MBNL3: variants seen among roughly 807,000 people sequenced by gnomAD.
MBNL3 encodes the protein muscleblind like splicing regulator 3.
MBNL3 carries 6 observed loss-of-function variants against 24.5 expected under a neutral mutation model. That is an observed-to-expected ratio of 0.25 (90% confidence interval 0.13 to 0.48). The LOEUF (loss-of-function observed/expected upper bound fraction) is 0.48, where lower values mean the gene tolerates loss of function less well. Among genes scored for constraint, MBNL3 ranks in the 20% least tolerant of loss-of-function variants. The probability of loss-of-function intolerance (pLI) is 0.99; values close to 1 mark genes in which losing one functional copy is unlikely to be tolerated. For missense variants in MBNL3, 230 were observed against 293.5 expected, an observed-to-expected ratio of 0.78 and a Z score of 1.58; for synonymous variants, 100 against 101.7, an observed-to-expected ratio of 0.98 and a Z score of 0.10.
intron 1 of MBNL3, among the ~76,000 whole-genome samples, chrX:132,488,515 C>T (rs751956838): frequency 9.0e-6 from 1 of 111,104 alleles, no homozygotes; most frequent in African/African-American, 3.3e-5. Context: ...GCACTGCTCA[C>T]GATATCGCGT....
rs1391027515 is a variant in MBNL3, at chrX:132,379,049, AAG to A, written c.*615_*616del. 1 of 112,207 alleles carries A rather than the reference AAG, an allele frequency of 8.9e-6. No homozygotes were observed. 9.2% of individuals were successfully genotyped at this position (112,207 alleles called of 1,213,427 possible). On this transcript the variant is annotated 3_prime_UTR_variant, in exon 9 of 9. Coordinates refer to ENST00000370853, the MANE Select transcript of MBNL3 (RefSeq NM_001386889.1). ...GAAACCTACAGAAATATTCTAAAGA[AAG>A]AGAGCATATTTGCATGAACCTGTCA...
At chrX:132,438,142 T>TAC (rs1366610101) in intron 2 of MBNL3, among the ~76,000 whole-genome samples, 1 of 112,071 alleles carries the variant, frequency 8.9e-6, no homozygotes, top group East Asian at 2.8e-4. Context: ...TAGCTGAATG[T>TAC]ACACAACTTT....
intron 1 of MBNL3, among the ~76,000 whole-genome samples, chrX:132,481,644 G>GTGA (rs967218934): frequency 8.9e-6 from 1 of 111,802 alleles, no homozygotes; most frequent in Non-Finnish European, 1.9e-5. Context: ...CTTTTATGAT[G>GTGA]TGATGATGAT....
At chrX:132,389,293 G>C (rs1003602191) in intron 5 of MBNL3, among the ~76,000 whole-genome samples, 6 of 111,879 alleles carry the variant, frequency 5.4e-5, no homozygotes, top group Non-Finnish European at 1.1e-4. Flanking sequence ...CTGACAAAAA[G>C]TGGAGCCAGT....
intron 8 of MBNL3, among the ~76,000 whole-genome samples, chrX:132,381,067 T>C (rs1454156077): frequency 2.7e-5 from 3 of 111,891 alleles, no homozygotes; most frequent in Admixed American, 9.5e-5. Context: ...AACTCAAAAG[T>C]AATCTGTGCC....
intron 1 of MBNL3, among the ~76,000 whole-genome samples, chrX:132,481,481 T>A (rs1947732389): frequency 8.9e-6 from 1 of 112,109 alleles, no homozygotes; most frequent in South Asian, 3.7e-4. Flanking sequence ...TGTGCCTGAT[T>A]AGTAAATGAC....
At chrX:132,450,741 A>G (rs1203760443) in intron 1 of MBNL3, among the ~76,000 whole-genome samples, 1 of 111,508 alleles carries the variant, frequency 9.0e-6, no homozygotes, top group Non-Finnish European at 1.9e-5. Flanking sequence ...GGAGGAGAAG[A>G]GGCATTCTAG....
chrX:132,484,450 T>G (rs952140350), intron 1 of MBNL3, among the ~76,000 whole-genome samples: 4 of 111,961 alleles, frequency 3.6e-5, no homozygotes, highest in African/African-American at 1.3e-4. Flanking sequence ...TAGTTACTGG[T>G]ACATTCAAGG....
Position 132,392,159 on chromosome X carries a change from C to T in MBNL3, c.518G>A (p.Arg173His), listed in dbSNP as rs1002647666. ...CACAAATACCTCCAGTTTATCTGAACGCATCAGTTTTGGGCCAACAGCTCC... is the reference window on the plus strand; with the variant it reads ...CACAAATACCTCCAGTTTATCTGAATGCATCAGTTTTGGGCCAACAGCTCC... The part of the protein sequence containing the change: ...MPGAVGPKLM[R>H]SDKLEVCREF... The change falls in exon 4 of 9, where the codon CGT becomes CAT. Residue 173 changes from arginine (R) to histidine (H), a missense_variant. By Grantham distance (29) the Arg-to-His change is conservative. Coordinates refer to ENST00000370853, the MANE Select transcript of MBNL3 (RefSeq NM_001386889.1). The T allele has an allele frequency of 1.1e-5, 13 of 1,202,358 alleles. No individual in the cohort carries two copies. Among genetic ancestry groups the T allele is most frequent in the South Asian group, 1.8e-5 (1 of 54,958 alleles).
At chrX:132,422,612 A>G (rs1368681805) in intron 2 of MBNL3, among the ~76,000 whole-genome samples, 1 of 112,179 alleles carries the variant, frequency 8.9e-6, no homozygotes, top group African/African-American at 3.2e-5. Flanking sequence ...AATAGACATC[A>G]TTTCCCTTCC....
chrX:132,382,353 G>T, intron 7 of MBNL3, 81 bp from the exon 8 acceptor site: 1 of 779,720 alleles, frequency 1.3e-6, no homozygotes, highest in Non-Finnish European at 1.9e-6. Context: ...GGAATGAGGT[G>T]TGGTAGGTAT....
At chrX:132,451,691 C>A (rs1352689862) in intron 1 of MBNL3, among the ~76,000 whole-genome samples, 2 of 111,424 alleles carry the variant, frequency 1.8e-5, no homozygotes, top group Non-Finnish European at 3.8e-5. Flanking sequence ...TTCTGTCTCA[C>A]TGGTATTCCA....
At chrX:132,387,172 T>G (rs1936208620) in intron 5 of MBNL3, among the ~76,000 whole-genome samples, 1 of 103,710 alleles carries the variant, frequency 9.6e-6, no homozygotes, top group Admixed American at 1.1e-4. Flanking sequence ...CTTGGGAGGC[T>G]GAGACAGGAG....
Position 132,456,591 on chromosome X carries a change from G to A in MBNL3, c.-703-16277C>T, listed in dbSNP as rs1946383750. Among the ~76,000 whole-genome samples the A allele has an allele frequency of 3.6e-5, 4 of 111,781 alleles. No individual in the cohort carries two copies. In the Admixed American group the frequency reaches 3.8e-4, roughly 11 times the overall value. On this transcript the variant is annotated intron_variant, in intron 1 of 8. Coordinates refer to ENST00000370853, the MANE Select transcript of MBNL3 (RefSeq NM_001386889.1). The stretch of plus-strand genomic sequence containing the variant: ...ATCCTATGAGGTACATACTTTTAAA[G>A]GGCAACATTAAAATTTCATTTAAAA...
At chrX:132,384,639 T>C (rs369672852) in intron 7 of MBNL3, 24 bp downstream of exon 7, 178 of 1,175,825 alleles carry the variant, frequency 1.5e-4, no homozygotes, top group African/African-American at 4.4e-4. Flanking sequence ...TAGAAAATGT[T>C]GATAATTTTT....
chrX:132,480,856 G>T (rs771366638), intron 1 of MBNL3, among the ~76,000 whole-genome samples: 1 of 111,463 alleles, frequency 9.0e-6, no homozygotes, highest in Non-Finnish European at 1.9e-5. Context: ...ACTTTCGAAG[G>T]CCCATGCAAT....
chrX:132,420,880 G>A (rs1327579103), intron 2 of MBNL3, among the ~76,000 whole-genome samples: 1 of 109,140 alleles, frequency 9.2e-6, no homozygotes, highest in African/African-American at 3.5e-5. Flanking sequence ...AATATAATAG[G>A]GAAAATAATA....
intron 2 of MBNL3, chrX:132,438,042 G>A (rs2148436909): frequency 5.2e-6 from 1 of 193,873 alleles, no homozygotes; most frequent in South Asian, 2.5e-4. Context: ...CCAAAAACCT[G>A]AAGTATAAAA....
chrX:132,423,210 G>C (rs1320269416), intron 2 of MBNL3, among the ~76,000 whole-genome samples: 2 of 111,708 alleles, frequency 1.8e-5, no homozygotes, highest in Admixed American at 1.9e-4. Context: ...TGTTTACAAA[G>C]TAGGGCTATT....
Sources: gnomAD v4.1 joint callset for allele counts (sites outside exome capture counted in the v4.1 genomes callset) on GRCh38, gnomAD v4.1.1 for gene constraint, MANE v1.5 for transcripts, NCBI Gene and HGNC (gene_info 2026-07-23, HGNC 2026-07-21) for gene names.